Variants in CEP170B observed in about 807,000 individuals in gnomAD.
CEP170B encodes centrosomal protein 170B, also known as centrosomal protein of 170 kDa protein B.
Under a neutral mutation model 120.6 loss-of-function variants are expected in CEP170B, and 55 were observed. That is an observed-to-expected ratio of 0.46 (90% confidence interval 0.37 to 0.57). CEP170B has a LOEUF of 0.57. CEP170B is among the 20% of genes least tolerant of loss of function. The pLI, the probability that CEP170B is intolerant of heterozygous loss-of-function variation, is 0.00. For synonymous variants in CEP170B, 1,033 were observed against 954.5 expected (o/e 1.08, Z -1.52); for missense variants, 2,212 against 2,253.3 (o/e 0.98, Z 0.37).
intron 16 of CEP170B, 148 bp downstream of exon 16, chr14:104,893,997 G>T: frequency 1.3e-6 from 1 of 783,886 alleles, no homozygotes; most frequent in Non-Finnish European, 2.1e-6. Flanking sequence ...GCACGTGTAT[G>T]TGGCTCCCAG....
intron 14 of CEP170B, 123 bp from the exon 15 acceptor site, chr14:104,893,400 G>A: frequency 8.0e-7 from 1 of 1,257,454 alleles, no homozygotes; most frequent in Non-Finnish European, 1.1e-6. Flanking sequence ...GCACAGGAGG[G>A]ACCTTGCACA....
In CEP170B at chr14:104,887,314, G is replaced by A. The variant is rs753043887; in HGVS notation, c.3075G>A (p.Pro1025=). Residue 1025 remains proline (P), a synonymous_variant, in exon 12 of 19, where the codon CCG becomes CCA. Coordinates refer to ENST00000414716, the MANE Select transcript of CEP170B (RefSeq NM_001112726.3). The part of the protein sequence containing the change: ...LGPTDMGRGE[P]VRRSAIRRGH... ...CGACGGACATGGGCCGTGGAGAGCC[G>A]GTACGGCGCTCAGCCATAAGGCGTG... 10 of 1,609,920 alleles carry A rather than the reference G, an allele frequency of 6.2e-6. No homozygotes were observed. The highest frequency in any genetic ancestry group is 4.0e-5 in the African/African-American group (3 of 74,892).
In CEP170B at chr14:104,882,631, C is replaced by T. The variant is rs1343515076; in HGVS notation, c.473-97C>T. On this transcript the variant is annotated intron_variant, in intron 6 of 18. Coordinates refer to ENST00000414716, the MANE Select transcript of CEP170B (RefSeq NM_001112726.3). ...CCAAGCTGGGAGGTGATGCCAGGGCCTGCCCCAGAGTCCAGCCTCTCCTGG... is the reference window on the plus strand; with the variant it reads ...CCAAGCTGGGAGGTGATGCCAGGGCTTGCCCCAGAGTCCAGCCTCTCCTGG... The T allele has an allele frequency of 4.2e-6, 4 of 955,238 alleles. No homozygotes were observed. In the East Asian group the frequency reaches 1.1e-4, roughly 26 times the overall value. The allele number at this position is 955,238 out of a possible 1,614,324, so 59.2% of individuals were successfully genotyped here. A position where few individuals can be genotyped will look rare whatever the true frequency, so the allele number is the denominator to read the frequency against.
At chr14:104,881,880 A>G (rs1054227672) in intron 6 of CEP170B, among the ~76,000 whole-genome samples, 4 of 151,872 alleles carry the variant, frequency 2.6e-5, no homozygotes, top group Non-Finnish European at 4.4e-5. Flanking sequence ...ATGGTTCCCT[A>G]TGGGTAACTG....
intron 13 of CEP170B, 42 bp downstream of exon 13, chr14:104,889,800 G>T (rs2919629): frequency 6.4e-7 from 1 of 1,567,224 alleles, no homozygotes; most frequent in Non-Finnish European, 8.7e-7. Flanking sequence ...GTGCCAGTGC[G>T]TTTTCTTGAG....
chr14:104,894,026 A>T (rs578167351), intron 16 of CEP170B, 177 bp downstream of exon 16: 2 of 693,300 alleles, frequency 2.9e-6, no homozygotes, highest in South Asian at 3.6e-5. Context: ...CCCTGAACTC[A>T]GAGGAGCCAG....
rs745869117 is a variant in CEP170B, at chr14:104,896,649, C to T, written c.*1691C>T. On this transcript the variant is annotated 3_prime_UTR_variant, in exon 19 of 19. Transcript: ENST00000414716. ...CTTCTCGGAGGGTTCACTGTACATT[C>T]GTTCTCAGGTGGTCTTGTGGCTGTC... 97 of 456,090 alleles carry T rather than the reference C, an allele frequency of 2.1e-4. No individual in the cohort carries two copies. The highest frequency in any genetic ancestry group is 3.7e-4 in the Non-Finnish European group (83 of 226,950). The allele number at this position is 456,090 out of a possible 1,614,324, so 28.3% of individuals were successfully genotyped here.
Position 104,883,980 on chromosome 14 carries a change from C to A in CEP170B, c.1201C>A (p.Gln401Lys), listed in dbSNP as rs755400640. 6.2e-7 allele frequency: 1 copy of A among 1,610,264 alleles called. No homozygotes were observed. The highest frequency in any genetic ancestry group is 8.5e-7 in the Non-Finnish European group (1 of 1,178,704). ...KRDPQELLHN[Q>K]QAFVIEFFDE... ...GGACCCCCAGGAGCTACTACATAAC[C>A]AGCAGGCCTTTGTCATCGAGTTCTT... Residue 401 changes from glutamine (Q) to lysine (K), a missense_variant, in exon 9 of 19, where the codon CAG (glutamine) becomes AAG (lysine). Physicochemically the swap from Gln to Lys is moderately conservative, Grantham distance 53 (BLOSUM62 1). Transcript: ENST00000414716.
rs1896704059 is a variant in CEP170B, at chr14:104,889,887, T to C, written c.3878+129T>C. On this transcript the variant is annotated intron_variant, in intron 13 of 18. Transcript: ENST00000414716. The stretch of plus-strand genomic sequence containing the variant: ...ATAGATGGTACGGCAGATGGCTGGC[T>C]GGCTGGATGGATGGACAAATGGATG... 3 of 897,328 alleles carry C rather than the reference T, an allele frequency of 3.3e-6. No homozygotes were observed. The South Asian group carries it at 5.8e-5, about 17-fold the overall frequency. 55.6% of individuals were successfully genotyped at this position (897,328 alleles called of 1,614,324 possible). A position where few individuals can be genotyped will look rare whatever the true frequency, so the allele number is the denominator to read the frequency against.
intron 16 of CEP170B, 143 bp downstream of exon 16, chr14:104,893,992 T>A: frequency 1.3e-6 from 1 of 799,752 alleles, no homozygotes. Flanking sequence ...CGTGTGCACG[T>A]GTATGTGGCT....
rs1260322424 is a variant in CEP170B at position 104,883,157 on chromosome 14, CCGCAGCCGT to C, written c.708_716del (p.Ser237_Pro239del). The stretch of plus-strand genomic sequence containing the variant: ...CTTCGAGATCCCCACGAAGGAGACC[CCGCAGCCGT>C]CGCAGCCCCCCGAGGTGCCGGCACA... On this transcript the variant is annotated inframe_deletion, in exon 8 of 19. Transcript: ENST00000414716. 5.6e-6 allele frequency: 9 copies of C among 1,608,552 alleles called. No homozygotes were observed. In the South Asian group the frequency reaches 9.9e-5, roughly 18 times the overall value.
At position 104,883,995 on chromosome 14, in the gene CEP170B, A is replaced by G. The variant is rs1896308547; in HGVS notation, c.1216A>G (p.Ile406Val). ...ACTACATAACCAGCAGGCCTTTGTC[A>G]TCGAGTTCTTCGACGAGGACACACC... is the stretch of plus-strand genomic sequence containing the variant. Reference protein sequence around the residue: ...ELLHNQQAFVIEFFDEDTPRK... With the variant: ...ELLHNQQAFVVEFFDEDTPRK... The change falls in exon 9 of 19, where the codon ATC (isoleucine) becomes GTC (valine). Residue 406 changes from isoleucine to valine, a missense_variant. This residue lies in a region of CEP170B where 2,166 missense variants were observed against 2,166.7 expected (regional missense o/e 1.00). Transcript: ENST00000414716. The G allele has an allele frequency of 1.2e-6, 2 of 1,610,880 alleles. No individual in the cohort carries two copies. The highest frequency in any genetic ancestry group is 1.7e-6 in the Non-Finnish European group (2 of 1,178,916).
At chr14:104,864,900 C>A (rs1454259126), upstream of CEP170B, among the ~76,000 whole-genome samples, 2 of 152,062 alleles carry the variant, frequency 1.3e-5, no homozygotes, top group African/African-American at 2.4e-5. The surrounding 1 kb of genome is among the most constrained non-coding windows in gnomAD (Gnocchi z 5.9). Flanking sequence ...TGGGCCAGGG[C>A]GCGGGGCTGC....
In CEP170B at chr14:104,894,568, G is replaced by A. The variant is rs753873340; in HGVS notation, c.4397G>A (p.Arg1466Gln). 35 of 1,611,946 alleles carry A rather than the reference G, an allele frequency of 2.2e-5. No homozygotes were observed. Among genetic ancestry groups the A allele is most frequent in the Non-Finnish European group, 2.5e-5 (30 of 1,178,746 alleles). ...EISSILKELR[R>Q]VQKQLEVINA... is the part of the protein sequence containing the mutation. ...AGCTCCATCCTGAAGGAACTGAGGCGGGTGCAGAAACAGCTGGAAGGTGAG... is the reference window on the plus strand; with the variant it reads ...AGCTCCATCCTGAAGGAACTGAGGCAGGTGCAGAAACAGCTGGAAGGTGAG... The change falls in exon 18 of 19, where the codon CGG becomes CAG. Residue 1466 changes from arginine to glutamine, a missense_variant. By Grantham distance (43) the Arg-to-Gln change is conservative. Transcript: ENST00000414716.
Position 104,886,025 on chromosome 14 carries a change from C to T in CEP170B, c.1945-15C>T. On this transcript the variant is annotated splice_polypyrimidine_tract_variant and intron_variant, in intron 10 of 18. Coordinates refer to ENST00000414716, the MANE Select transcript of CEP170B (RefSeq NM_001112726.3). ...GGGCTTGCGTGTGGAAACACTCCCACCCTCCTCTCCACAGGGCCTCCCGGT... is the reference window on the plus strand; with the variant it reads ...GGGCTTGCGTGTGGAAACACTCCCATCCTCCTCTCCACAGGGCCTCCCGGT... 1 of 1,523,732 alleles carries T rather than the reference C, an allele frequency of 6.6e-7. No individual in the cohort carries two copies. Among genetic ancestry groups the T allele is most frequent in the Non-Finnish European group, 8.8e-7 (1 of 1,134,504 alleles). The allele number at this position is 1,523,732 out of a possible 1,614,324, so 94.4% of individuals were successfully genotyped here.
In CEP170B at chr14:104,893,007, A is replaced by G. The variant is rs746621052; in HGVS notation, c.3910A>G (p.Ile1304Val). ...LSQTLVKDVAILAQEIHDVAG... is the reference protein window; with the variant it reads ...LSQTLVKDVAVLAQEIHDVAG... Reference sequence around the variant, plus strand: ...CCAGACGCTGGTGAAGGACGTGGCCATCCTAGCCCAGGAGATCCACGATGT... The same window carrying G: ...CCAGACGCTGGTGAAGGACGTGGCCGTCCTAGCCCAGGAGATCCACGATGT... Residue 1304 changes from isoleucine to valine, a missense_variant, in exon 14 of 19, where the codon ATC becomes GTC. Physicochemically the swap from Ile to Val is conservative, Grantham distance 29 (BLOSUM62 3). Coordinates refer to ENST00000414716, the MANE Select transcript of CEP170B (RefSeq NM_001112726.3). The G allele has an allele frequency of 6.3e-7, 1 of 1,578,852 alleles. No individual in the cohort carries two copies. The highest frequency in any genetic ancestry group is 8.6e-7 in the Non-Finnish European group (1 of 1,163,748).
intron 13 of CEP170B, among the ~76,000 whole-genome samples, chr14:104,890,615 A>T (rs796326903): frequency 0.036 from 640 of 17,644 alleles, no homozygotes; most frequent in Middle Eastern, 0.071. Flanking sequence ...GATGGATGGA[A>T]GGATGGATGA....
intron 3 of CEP170B, 35 bp from the exon 4 acceptor site, chr14:104,877,850 C>CT: frequency 7.9e-6 from 3 of 378,774 alleles, no homozygotes; most frequent in South Asian, 2.9e-5. Context: ...ACCCGCGCAG[C>CT]TCCCCCCCCC....
At position 104,882,822 on chromosome 14, in the gene CEP170B, G is replaced by C. The variant is rs780635689; in HGVS notation, c.567G>C (p.Glu189Asp). The C allele has an allele frequency of 2.5e-6, 4 of 1,611,974 alleles. No homozygotes were observed. The highest frequency in any genetic ancestry group is 3.4e-6 in the Non-Finnish European group (4 of 1,179,516). Residue 189 changes from glutamate (E) to aspartate (D), a missense_variant, in exon 7 of 19, where the codon GAG (glutamate) becomes GAC (aspartate). Glu to Asp is a conservative substitution (Grantham distance 45). This residue lies in a region of CEP170B where 2,166 missense variants were observed against 2,166.7 expected (regional missense o/e 1.00). Coordinates refer to ENST00000414716, the MANE Select transcript of CEP170B (RefSeq NM_001112726.3). ...STLPDAQRQG[E>D]PYPERPKGPV... Reference sequence around the variant, plus strand: ...TGCCTGACGCCCAGCGCCAGGGAGAGCCCTACCCAGGTTGGTCTTGGGGCC... The same window carrying C: ...TGCCTGACGCCCAGCGCCAGGGAGACCCCTACCCAGGTTGGTCTTGGGGCC...
Sources: allele counts gnomAD v4.1 joint callset (sites outside exome capture counted in the v4.1 genomes callset), GRCh38; gene constraint gnomAD v4.1.1; regional missense constraint gnomAD v4.1.1; non-coding constraint Gnocchi (gnomAD v3.1); transcripts MANE v1.5; gene names NCBI Gene and HGNC (gene_info 2026-07-23, HGNC 2026-07-21).